Variants in NETO1 observed in about 807,000 individuals in gnomAD.
The protein encoded by NETO1 is neuropilin and tolloid-like protein 1.
Under a neutral mutation model 61.3 loss-of-function variants are expected in NETO1, and 26 were observed. The ratio of observed to expected loss-of-function variants is 0.42; its 90% confidence interval spans 0.31 to 0.59. NETO1 has a LOEUF of 0.59. NETO1 is among the 20% of genes least tolerant of loss of function. The pLI, the probability that NETO1 is intolerant of heterozygous loss-of-function variation, is 0.12. For synonymous variants in NETO1, 225 were observed against 225.8 expected (o/e 1.00, Z 0.03); for missense variants, 531 against 662.8 (o/e 0.80, Z 2.18).
At chr18:72,813,239 G>A (rs1052946110) in intron 4 of NETO1, among the ~76,000 whole-genome samples, 9 of 152,278 alleles carry the variant, frequency 5.9e-5, no homozygotes, top group African/African-American at 2.2e-4. Flanking sequence ...CCTCAAATAC[G>A]TAAGACCCGG....
Position 72,750,078 on chromosome 18 carries a change from C to A in NETO1, c.1525G>T (p.Asp509Tyr). The change falls in exon 9 of 11, where the codon GAT becomes TAT. Residue 509 changes from aspartate (D) to tyrosine (Y), a missense_variant. Transcript: ENST00000327305. ...GATACTGACCGCTGGACGGCTTTAT[C>A]GTGTCTGGACAGCCTGTGACTGGTG... The part of the protein sequence containing the change: ...PTTSHRLSRH[D>Y]KAVQRFCLIG... 1 of 1,589,538 alleles carries A rather than the reference C, an allele frequency of 6.3e-7. No homozygotes were observed. Among genetic ancestry groups the A allele is most frequent in the Non-Finnish European group, 8.6e-7 (1 of 1,167,262 alleles).
chr18:72,788,242 A>G (rs2071988201), intron 6 of NETO1, among the ~76,000 whole-genome samples: 1 of 152,188 alleles, frequency 6.6e-6, no homozygotes, highest in Non-Finnish European at 1.5e-5. Flanking sequence ...CACTGCCGTC[A>G]CTAGATCCCA....
chr18:72,774,689 T>A (rs1452891276), intron 7 of NETO1, among the ~76,000 whole-genome samples: 1 of 152,062 alleles, frequency 6.6e-6, no homozygotes, highest in Non-Finnish European at 1.5e-5. Flanking sequence ...AATTAATTAC[T>A]GATTAATTAA....
At chr18:72,757,689 A>G (rs989502421) in intron 7 of NETO1, among the ~76,000 whole-genome samples, 51 of 152,276 alleles carry the variant, frequency 3.3e-4, no homozygotes, top group African/African-American at 1.2e-3. Flanking sequence ...GTTCTGTATA[A>G]ACCTTTCATA....
chr18:72,849,425 T>C (rs1418576368), intron 4 of NETO1, among the ~76,000 whole-genome samples: 1 of 152,176 alleles, frequency 6.6e-6, no homozygotes, highest in Non-Finnish European at 1.5e-5. Flanking sequence ...CTTTAAGACA[T>C]GCATGTTTTC....
In NETO1 at chr18:72,750,351, G is replaced by T. The variant is rs1234495111; in HGVS notation, c.1252C>A (p.His418Asn). Residue 418 changes from histidine (H) to asparagine (N), a missense_variant, in exon 9 of 11, where the codon CAT becomes AAT. Coordinates refer to ENST00000327305, the MANE Select transcript of NETO1 (RefSeq NM_138966.5). ...TTGGAAGATGACCTCCGCAGTTTAT[G>T]GTAATTTTCAAAGTCATCTGCCACA... ...ADVADDFENY[H>N]KLRRSSSKCI... is the part of the protein sequence containing the mutation. The T allele has an allele frequency of 6.2e-7, 1 of 1,613,996 alleles. No individual in the cohort carries two copies. Among genetic ancestry groups the T allele is most frequent in the South Asian group, 1.1e-5 (1 of 91,060 alleles).
At chr18:72,760,908 AC>A in intron 7 of NETO1, among the ~76,000 whole-genome samples, 1 of 152,128 alleles carries the variant, frequency 6.6e-6, no homozygotes, top group Admixed American at 6.5e-5. Context: ...TATAACTATT[AC>A]ATAAAATTTA....
chr18:72,783,510 T>C (rs148955139), intron 7 of NETO1, among the ~76,000 whole-genome samples, 168 bp downstream of exon 7: 2 of 152,332 alleles, frequency 1.3e-5, no homozygotes, highest in East Asian at 3.9e-4. Context: ...ATGTAACTCT[T>C]TCCTGTCATG....
intron 6 of NETO1, among the ~76,000 whole-genome samples, chr18:72,788,960 A>C (rs2072016900): frequency 6.6e-6 from 1 of 152,138 alleles, no homozygotes. Context: ...CTTAATAAGT[A>C]AAAATTAAAT....
At chr18:72,852,392 T>C (rs758305451) in intron 4 of NETO1, among the ~76,000 whole-genome samples, 1 of 152,170 alleles carries the variant, frequency 6.6e-6, no homozygotes, top group Non-Finnish European at 1.5e-5. Context: ...TTTTTCTGTA[T>C]TTTTAGTAGA....
At position 72,848,979 on chromosome 18, in the gene NETO1, A is replaced by G. The variant is rs552158047; in HGVS notation, c.469+9847T>C. Among the ~76,000 whole-genome samples the G allele has an allele frequency of 2.6e-5, 4 of 152,270 alleles. No individual in the cohort carries two copies. The East Asian group carries it at 7.7e-4, about 29-fold the overall frequency. On this transcript the variant is annotated intron_variant, in intron 4 of 10. Coordinates refer to ENST00000327305, the MANE Select transcript of NETO1 (RefSeq NM_138966.5). ...CTTCATAGAATTTTTTTTCTAGATA[A>G]TCTCATCCTATTTTTGGATTCTGCT...
At chr18:72,826,611 T>C (rs930406725) in intron 4 of NETO1, among the ~76,000 whole-genome samples, 3 of 152,180 alleles carry the variant, frequency 2.0e-5, no homozygotes, top group East Asian at 1.9e-4. Flanking sequence ...AATTCTCTGA[T>C]GGTTTGGAAA....
chr18:72,758,777 A>T (rs2145120118), intron 7 of NETO1, among the ~76,000 whole-genome samples: 1 of 152,288 alleles, frequency 6.6e-6, no homozygotes. Flanking sequence ...TGGAGGTTGC[A>T]GTGAGCCGAG....
rs2073549627 is a variant in NETO1, at chr18:72,830,764, C to T, written c.469+28062G>A. On this transcript the variant is annotated intron_variant, in intron 4 of 10. Transcript: ENST00000327305. This position sits in a 1 kb window ranked among gnomAD's most constrained non-coding sequence, Gnocchi z 4.9. ...TGACTGCATTTTCCCTCAAATTCACCATCTCCTCTTTCTTAATCCTTCCAT... is the reference window on the plus strand; with the variant it reads ...TGACTGCATTTTCCCTCAAATTCACTATCTCCTCTTTCTTAATCCTTCCAT... Among the ~76,000 whole-genome samples the T allele has an allele frequency of 6.6e-6, 1 of 152,098 alleles. No homozygotes were observed. Among genetic ancestry groups the T allele is most frequent in the African/African-American group, 2.4e-5 (1 of 41,414 alleles).
chr18:72,835,475 T>C (rs890906029), intron 4 of NETO1, among the ~76,000 whole-genome samples: 2 of 152,208 alleles, frequency 1.3e-5, no homozygotes, highest in African/African-American at 2.4e-5. Flanking sequence ...TCTATTCTAG[T>C]AACTCAGGTA....
chr18:72,805,173 G>A (rs2072635054), intron 4 of NETO1, among the ~76,000 whole-genome samples: 1 of 152,152 alleles, frequency 6.6e-6, no homozygotes, highest in South Asian at 2.1e-4. Context: ...ATAGAAAAAT[G>A]AATCCAGTAT....
At chr18:72,761,674 G>A (rs1178718547) in intron 7 of NETO1, among the ~76,000 whole-genome samples, 1 of 151,986 alleles carries the variant, frequency 6.6e-6, no homozygotes, top group Non-Finnish European at 1.5e-5. Flanking sequence ...TGGATAACAG[G>A]GACAGTATCA....
intron 4 of NETO1, among the ~76,000 whole-genome samples, chr18:72,854,893 ATCC>A (rs2074368867): frequency 6.6e-6 from 1 of 151,890 alleles, no homozygotes; most frequent in African/African-American, 2.4e-5. Context: ...GGCCTCTAAA[ATCC>A]TCCTTATTCC....
chr18:72,865,991 G>C (rs1047965769), intron 1 of NETO1, among the ~76,000 whole-genome samples: 6 of 152,184 alleles, frequency 3.9e-5, no homozygotes, highest in African/African-American at 1.4e-4. Flanking sequence ...GTGTCAAAGA[G>C]ACTGTGATCT....
Sources: gnomAD v4.1 joint callset for allele counts (sites outside exome capture counted in the v4.1 genomes callset) on GRCh38, gnomAD v4.1.1 for gene constraint, Gnocchi (gnomAD v3.1) non-coding constraint, MANE v1.5 for transcripts, NCBI Gene and HGNC (gene_info 2026-07-23, HGNC 2026-07-21) for gene names.